Variants in CEP192 observed in about 807,000 individuals in gnomAD.
CEP192 encodes centrosomal protein 192.
In CEP192, 151 loss-of-function variants were observed where a neutral mutation model predicts 271.8. The ratio of observed to expected loss-of-function variants is 0.56; its 90% CI spans 0.49 to 0.64. The LOEUF is 0.64. Ranked by LOEUF, CEP192 falls within the 30% of genes least tolerant of loss-of-function variation. The pLI is 0.00. For missense variants in CEP192, 2,910 were observed against 3,020.5 expected, an observed-to-expected ratio of 0.96 and a Z score of 0.86; for synonymous variants, 995 against 1,076.5, an observed-to-expected ratio of 0.92 and a Z score of 1.48.
Position 13,114,252 on chromosome 18 carries a change from G to C in CEP192, c.7289+1G>C. 6.2e-7 allele frequency: 1 copy of C among 1,610,370 alleles called. No individual in the cohort carries two copies. The highest frequency in any genetic ancestry group is 8.5e-7 in the Non-Finnish European group (1 of 1,179,158). On this transcript the variant is annotated splice_donor_variant, in intron 42 of 44. Transcript: ENST00000506447. LOFTEE classifies it high-confidence loss of function. Reference sequence around the variant, plus strand: ...CAGAGGCTTCTGCTCGCATACCTGAGTATGTTGTTTTTGTCATTCTTATGA... The same window carrying C: ...CAGAGGCTTCTGCTCGCATACCTGACTATGTTGTTTTTGTCATTCTTATGA...
chr18:13,017,216 T>C lies in CEP192; in HGVS notation c.669T>C (p.Tyr223=). The part of the protein sequence containing the change: ...SDDDIDDEMF[Y]DDHLEAYFEQ... ...ATGATATTGATGATGAAATGTTTTATGATGATCATTTGGAGGCTTATTTTG... is the reference window on the plus strand; with the variant it reads ...ATGATATTGATGATGAAATGTTTTACGATGATCATTTGGAGGCTTATTTTG... Residue 223 remains tyrosine, a synonymous_variant, in exon 7 of 45, where the codon TAT becomes TAC. Transcript: ENST00000506447. 6.5e-7 allele frequency: 1 copy of C among 1,548,954 alleles called. No individual in the cohort carries two copies. Among genetic ancestry groups the C allele is most frequent in the Non-Finnish European group, 8.7e-7 (1 of 1,146,056 alleles).
intron 44 of CEP192, among the ~76,000 whole-genome samples, chr18:13,118,110 C>T (rs899260044): frequency 8.5e-5 from 13 of 152,184 alleles, no homozygotes; most frequent in African/African-American, 3.1e-4. Context: ...TGTTCTTAAT[C>T]AGGGCCTCAT....
intron 15 of CEP192, among the ~76,000 whole-genome samples, chr18:13,045,284 T>A (rs1178688654): frequency 6.6e-6 from 1 of 152,186 alleles, no homozygotes; most frequent in Non-Finnish European, 1.5e-5. Flanking sequence ...TTTCTAACTT[T>A]TTGAGATGGA....
chr18:13,070,156 CAA>C (rs74312508), intron 27 of CEP192, among the ~76,000 whole-genome samples: 1 of 141,960 alleles, frequency 7.0e-6, no homozygotes, highest in African/African-American at 2.6e-5. Flanking sequence ...GAGTCCGTCT[CAA>C]AAAAAAAAAA....
chr18:13,110,689 C>A (rs1358043479), intron 40 of CEP192, among the ~76,000 whole-genome samples: 1 of 152,142 alleles, frequency 6.6e-6, no homozygotes, highest in Non-Finnish European at 1.5e-5. Context: ...AAGAAAGAAG[C>A]CAGTAGCAGC....
At chr18:13,095,164 ATTTTTCT>A (rs983967158) in intron 34 of CEP192, among the ~76,000 whole-genome samples, 6 of 151,736 alleles carry the variant, frequency 4.0e-5, no homozygotes, top group African/African-American at 1.5e-4. Context: ...CTCCCAGCTA[ATTTTTCT>A]TTTTTCTTTT....
intron 9 of CEP192, among the ~76,000 whole-genome samples, chr18:13,019,491 C>G (rs2034862276): frequency 6.6e-6 from 1 of 152,126 alleles, no homozygotes; most frequent in Non-Finnish European, 1.5e-5. Context: ...GATCTTTTAC[C>G]TTGCTCAAAC....
At chr18:13,104,605 C>T (rs2039867260) in intron 39 of CEP192, among the ~76,000 whole-genome samples, 1 of 152,002 alleles carries the variant, frequency 6.6e-6, no homozygotes, top group Non-Finnish European at 1.5e-5. Flanking sequence ...GAGTCAGACC[C>T]TGTCTTAAAA....
chr18:13,095,011 C>T (rs1360340572), intron 34 of CEP192, among the ~76,000 whole-genome samples: 1 of 152,192 alleles, frequency 6.6e-6, no homozygotes, highest in African/African-American at 2.4e-5. Context: ...CCCAGTGCCA[C>T]CACCCACCCC....
intron 15 of CEP192, among the ~76,000 whole-genome samples, chr18:13,044,352 T>C (rs943572987): frequency 1.3e-5 from 2 of 152,216 alleles, no homozygotes; most frequent in African/African-American, 4.8e-5. Context: ...GTCATGATGT[T>C]GGGTTTCCCT....
chr18:13,013,958 C>G (rs2034503227), intron 5 of CEP192, among the ~76,000 whole-genome samples: 1 of 152,212 alleles, frequency 6.6e-6, no homozygotes, highest in Non-Finnish European at 1.5e-5. Flanking sequence ...ATCCAGTCTG[C>G]TGGCTGTTTT....
At chr18:13,123,778 C>T (rs545004191) in intron 44 of CEP192, among the ~76,000 whole-genome samples, 1 of 152,210 alleles carries the variant, frequency 6.6e-6, no homozygotes, top group East Asian at 1.9e-4. Flanking sequence ...AAAAACAAAC[C>T]CCCTAGAATA....
At chr18:13,062,162 CA>C (rs1383554306) in intron 21 of CEP192, among the ~76,000 whole-genome samples, 1 of 152,258 alleles carries the variant, frequency 6.6e-6, no homozygotes, top group Non-Finnish European at 1.5e-5. Context: ...TTGAGTCCAA[CA>C]AACAGACAAG....
chr18:13,078,691 T>A (rs2038423637), intron 30 of CEP192, among the ~76,000 whole-genome samples: 1 of 152,186 alleles, frequency 6.6e-6, no homozygotes, highest in South Asian at 2.1e-4. Flanking sequence ...ACGTGCAGGT[T>A]TGTTACATAT....
chr18:13,032,537 G>T (rs529425806), intron 11 of CEP192, among the ~76,000 whole-genome samples: 124 of 152,248 alleles, frequency 8.1e-4, no homozygotes, highest in African/African-American at 2.9e-3. Context: ...TGTGTTGCTG[G>T]TGGGAGTGTA....
chr18:12,993,382 A>G (rs185350755), intron 1 of CEP192, among the ~76,000 whole-genome samples: 105 of 152,310 alleles, frequency 6.9e-4, no homozygotes, highest in African/African-American at 2.4e-3. Flanking sequence ...TGGTTCCAGG[A>G]CCTGCCCTTG....
chr18:13,008,691 C>A, intron 4 of CEP192, 60 bp downstream of exon 4: 1 of 1,315,398 alleles, frequency 7.6e-7, no homozygotes, highest in Non-Finnish European at 1.0e-6. Context: ...TTTTCATTTC[C>A]TTATCTTTGG....
Position 13,103,502 on chromosome 18 carries a change from C to T in CEP192, c.6872-7C>T. ...AGTTTGAGTTATGATATATGTGTTC[C>T]TTTTAGAGAGCTGTCTAGAACTCGA... On this transcript the variant is annotated splice_region_variant and splice_polypyrimidine_tract_variant and intron_variant, in intron 38 of 44. Coordinates refer to ENST00000506447, the MANE Select transcript of CEP192 (RefSeq NM_032142.4). The T allele has an allele frequency of 6.2e-7, 1 of 1,611,908 alleles. No homozygotes were observed. Among genetic ancestry groups the T allele is most frequent in the Non-Finnish European group, 8.5e-7 (1 of 1,178,208 alleles).
At chr18:13,049,974 T>A (rs756078605) in intron 17 of CEP192, 83 bp downstream of exon 17, 140 of 1,161,140 alleles carry the variant, frequency 1.2e-4, no homozygotes, top group Non-Finnish European at 1.6e-4. Context: ...AGAAGAAAAA[T>A]TATCTGTGCA....
Sources: allele counts gnomAD v4.1 joint callset (sites outside exome capture counted in the v4.1 genomes callset), GRCh38; gene constraint gnomAD v4.1.1; transcripts MANE v1.5; gene names NCBI Gene and HGNC (gene_info 2026-07-23, HGNC 2026-07-21).